COLEC10: variants seen among roughly 807,000 people sequenced by gnomAD.
COLEC10 encodes collectin-10.
Under a neutral mutation model 28.4 loss-of-function variants are expected in COLEC10, and 22 were observed. That is an observed-to-expected ratio of 0.78 (90% CI 0.55 to 1.11). The LOEUF is 1.11. COLEC10 is among the 50% of genes least tolerant of loss of function. COLEC10 has a pLI of 0.00. For missense variants in COLEC10, 361 were observed against 344.1 expected, an observed-to-expected ratio of 1.05 and a Z score of -0.39; for synonymous variants, 125 against 116.1, an observed-to-expected ratio of 1.08 and a Z score of -0.49.
At chr8:119,036,847 A>G (rs1017616406) in intron 2 of COLEC10, among the ~76,000 whole-genome samples, 2 of 152,196 alleles carry the variant, frequency 1.3e-5, no homozygotes, top group Non-Finnish European at 2.9e-5. Context: ...ACCTCAAGCT[A>G]TAATGGAGAG....
In COLEC10 at chr8:118,996,477, A is replaced by C. The variant is rs1601395; in HGVS notation, n.122+904A>C. 1.0e-2 allele frequency among the ~76,000 whole-genome samples: 1,523 copies of C among 152,302 alleles called. 21 individuals carry two copies. The highest frequency in any genetic ancestry group is 0.035 in the African/African-American group (1,439 of 41,552). On this transcript the variant is annotated intron_variant and non_coding_transcript_variant, in intron 1 of 6. Transcript: ENST00000521788. ...GGCTACATCATTTTACATTCTCACCAACAGTATATAAGAGTTTTAATTTCT... is the reference window on the plus strand; with the variant it reads ...GGCTACATCATTTTACATTCTCACCCACAGTATATAAGAGTTTTAATTTCT...
chr8:119,068,969 T>C (rs1450998365), intron 1 of COLEC10, among the ~76,000 whole-genome samples: 2 of 151,830 alleles, frequency 1.3e-5, no homozygotes, highest in Non-Finnish European at 2.9e-5. Context: ...TAAAATAAAT[T>C]CTTAATAAAA....
At chr8:119,098,366 G>A (rs964842748) in intron 3 of COLEC10, among the ~76,000 whole-genome samples, 8 of 152,050 alleles carry the variant, frequency 5.3e-5, no homozygotes, top group Non-Finnish European at 1.2e-4. Flanking sequence ...TACCAGTCTT[G>A]AAATGATAGG....
At chr8:119,025,857 T>C (rs1420896991) in intron 2 of COLEC10, among the ~76,000 whole-genome samples, 1 of 152,152 alleles carries the variant, frequency 6.6e-6, no homozygotes, top group Admixed American at 6.5e-5. Context: ...GATGGCATAA[T>C]TTACAATCAC....
chr8:119,106,011 A>T lies in COLEC10; in HGVS notation c.654A>T (p.Gly218=). The change falls in exon 6 of 6, where the codon GGA becomes GGT. Residue 218 remains glycine, a synonymous_variant. Transcript: ENST00000332843. ...GCGTGAATGACCTTGAAAGGGAGGG[A>T]CAGTACATGTTCACAGACAACACTC... The part of the protein sequence containing the change: ...FIGVNDLERE[G]QYMFTDNTPL... 6.2e-7 allele frequency: 1 copy of T among 1,613,764 alleles called. No individual in the cohort carries two copies. The highest frequency in any genetic ancestry group is 8.5e-7 in the Non-Finnish European group (1 of 1,179,862).
intron 2 of COLEC10, among the ~76,000 whole-genome samples, chr8:119,047,954 C>T (rs935266734): frequency 2.6e-5 from 4 of 152,132 alleles, no homozygotes; most frequent in Admixed American, 1.3e-4. Flanking sequence ...TATTATTTAA[C>T]ATACTTATTT....
intron 2 of COLEC10, among the ~76,000 whole-genome samples, chr8:119,031,362 A>C (rs1407907751): frequency 6.6e-6 from 1 of 152,252 alleles, no homozygotes; most frequent in African/African-American, 2.4e-5. Flanking sequence ...AGAGACAAGT[A>C]AAATATTCAC....
At chr8:118,974,873 A>T in the COLEC10 span, among the ~76,000 whole-genome samples, 3 of 152,054 alleles carry the variant, frequency 2.0e-5, no homozygotes, top group East Asian at 5.8e-4. Flanking sequence ...TTTCAAAGTA[A>T]TCAAAATAAA....
chr8:118,966,161 G>A, the COLEC10 span, among the ~76,000 whole-genome samples: 9 of 152,024 alleles, frequency 5.9e-5, no homozygotes, highest in African/African-American at 1.9e-4. Context: ...GTTTAAAATG[G>A]TCCCAAGAAT....
chr8:118,972,540 A>G, the COLEC10 span, among the ~76,000 whole-genome samples: 1 of 151,886 alleles, frequency 6.6e-6, no homozygotes, highest in African/African-American at 2.4e-5. Context: ...TAGACCTCCA[A>G]TTTCCAACCT....
At chr8:119,034,415 TAA>T (rs372730726) in intron 2 of COLEC10, among the ~76,000 whole-genome samples, 35 of 137,828 alleles carry the variant, frequency 2.5e-4, no homozygotes, top group African/African-American at 5.3e-4. Flanking sequence ...TTACAGTATT[TAA>T]AAAAAAAAAA....
chr8:118,954,875 T>C, the COLEC10 span, among the ~76,000 whole-genome samples: 1 of 152,200 alleles, frequency 6.6e-6, no homozygotes, highest in South Asian at 2.1e-4. Context: ...CAGATGGTCA[T>C]TTATAATCAT....
the COLEC10 span, among the ~76,000 whole-genome samples, chr8:118,989,514 T>A: frequency 0.051 from 7,198 of 141,342 alleles, 271 homozygotes; most frequent in East Asian, 0.17. Context: ...AAGCAGGATT[T>A]AAAAAAAAGA....
intron 1 of COLEC10, among the ~76,000 whole-genome samples, chr8:119,089,267 C>T (rs908153618): frequency 2.0e-5 from 3 of 152,034 alleles, no homozygotes; most frequent in Non-Finnish European, 4.4e-5. Flanking sequence ...TAGGTCATGC[C>T]TACAATTTTG....
At chr8:119,055,697 G>A (rs1266673069) in intron 2 of COLEC10, among the ~76,000 whole-genome samples, 1 of 151,968 alleles carries the variant, frequency 6.6e-6, no homozygotes, top group Non-Finnish European at 1.5e-5. Context: ...AAAATGCCTT[G>A]TCAAAAAGAG....
At chr8:118,968,527 T>A in the COLEC10 span, among the ~76,000 whole-genome samples, 2 of 151,882 alleles carry the variant, frequency 1.3e-5, no homozygotes, top group African/African-American at 4.8e-5. Flanking sequence ...ACATCAGCAG[T>A]GGGAGCATCC....
At chr8:119,009,449 T>G (rs1285433497) in exon 2 of COLEC10, 2 of 150,690 alleles carry the variant, frequency 1.3e-5, no homozygotes, top group African/African-American at 5.0e-5. Flanking sequence ...AGGTGCTTGC[T>G]TCCTTTTCTG....
chr8:119,076,776 A>G (rs2130246672), intron 1 of COLEC10, among the ~76,000 whole-genome samples: 1 of 152,338 alleles, frequency 6.6e-6, no homozygotes, highest in South Asian at 2.1e-4. Context: ...CAGAGCCAAA[A>G]GTTGTGAAAA....
intron 2 of COLEC10, among the ~76,000 whole-genome samples, chr8:119,010,269 T>C (rs1813880935): frequency 6.6e-6 from 1 of 150,942 alleles, no homozygotes; most frequent in Non-Finnish European, 1.5e-5. Flanking sequence ...TACTACAGTA[T>C]GTAGCCTTTT....
Sources: allele counts gnomAD v4.1 joint callset (sites outside exome capture counted in the v4.1 genomes callset), GRCh38; gene constraint gnomAD v4.1.1; transcripts MANE v1.5; gene names NCBI Gene and HGNC (gene_info 2026-07-23, HGNC 2026-07-21).